The following DDX43 variants were observed in gnomAD, a reference collection of about 807,000 sequenced individuals.
DDX43 encodes DEAD-box helicase 43.
DDX43 carries 50 observed loss-of-function variants against 84.9 expected under a neutral mutation model. That is an observed-to-expected ratio of 0.59 (90% CI 0.47 to 0.75). DDX43 has a LOEUF of 0.75. Among genes scored for constraint, DDX43 ranks in the 30% least tolerant of loss-of-function variants. The probability of loss-of-function intolerance (pLI) is 0.00; values close to 1 mark genes in which losing one functional copy is unlikely to be tolerated. For missense variants in DDX43, 689 were observed against 798.6 expected (o/e 0.86, Z 1.65); for synonymous variants, 291 against 266.3 (o/e 1.09, Z -0.90).
chr6:73,394,903 A>G lies in DDX43; in HGVS notation c.-3A>G. On this transcript the variant is annotated 5_prime_UTR_variant, in exon 1 of 17. Transcript: ENST00000370336. ...GACGTCGGACGCGCCCCTTCTTGGAACAATGTCCCACCACGGAGGAGCTCC... is the reference window on the plus strand; with the variant it reads ...GACGTCGGACGCGCCCCTTCTTGGAGCAATGTCCCACCACGGAGGAGCTCC... 3.7e-6 allele frequency: 6 copies of G among 1,614,010 alleles called. No individual in the cohort carries two copies. The South Asian group carries it at 4.4e-5, about 12-fold the overall frequency.
intron 8 of DDX43, 73 bp from the exon 9 acceptor site, chr6:73,407,887 C>G (rs1769713472): frequency 6.9e-7 from 1 of 1,457,836 alleles, no homozygotes; most frequent in East Asian, 2.3e-5. Context: ...ATTTTTATCC[C>G]TTTTATTGGA....
chr6:73,395,575 C>T (rs6923697), intron 1 of DDX43, among the ~76,000 whole-genome samples: 24 of 151,054 alleles, frequency 1.6e-4, no homozygotes, highest in African/African-American at 5.8e-4. Context: ...GATCGCGCCA[C>T]TGCACTCCAG....
chr6:73,401,389 C>T (rs1769565591), intron 3 of DDX43, among the ~76,000 whole-genome samples: 1 of 152,170 alleles, frequency 6.6e-6, no homozygotes, highest in Non-Finnish European at 1.5e-5. Context: ...ATTTTACTTA[C>T]CTTCTCCAAT....
intron 2 of DDX43, among the ~76,000 whole-genome samples, chr6:73,398,509 C>T (rs1769513400): frequency 6.6e-6 from 1 of 152,188 alleles, no homozygotes; most frequent in African/African-American, 2.4e-5. Context: ...ACCTCTGCCT[C>T]CCAAAGTGCT....
In DDX43 at chr6:73,394,848, C is replaced by A. The variant is rs1275158569; in HGVS notation, c.-58C>A. 3.2e-6 allele frequency: 5 copies of A among 1,586,230 alleles called. No homozygotes were observed. Among genetic ancestry groups the A allele is most frequent in the Non-Finnish European group, 4.3e-6 (5 of 1,165,926 alleles). On this transcript the variant is annotated 5_prime_UTR_variant, in exon 1 of 17. Coordinates refer to ENST00000370336, the MANE Select transcript of DDX43 (RefSeq NM_018665.3). ...CTGGCACGCTACTCTTACGACGTCACGGTCAGGTGGTGCAGAGCTGGACGG... is the reference window on the plus strand; with the variant it reads ...CTGGCACGCTACTCTTACGACGTCAAGGTCAGGTGGTGCAGAGCTGGACGG...
intron 3 of DDX43, among the ~76,000 whole-genome samples, chr6:73,401,550 C>A (rs1769570189): frequency 1.3e-5 from 2 of 152,118 alleles, no homozygotes; most frequent in African/African-American, 4.8e-5. Context: ...CGCCTGTAAT[C>A]CCAGCACTTT....
In DDX43 at chr6:73,416,197, C is replaced by G; in HGVS notation, c.1918C>G (p.Pro640Ala). Residue 640 changes from proline to alanine, a missense_variant, in exon 16 of 17, where the codon CCT (proline) becomes GCT (alanine). Pro to Ala is a conservative substitution (Grantham distance 27). This residue lies in a region of DDX43 where 552 missense variants were observed against 692.7 expected (regional missense o/e 0.80). Coordinates refer to ENST00000370336, the MANE Select transcript of DDX43 (RefSeq NM_018665.3). ...GGAAATGGAAAGAAAAATGGAAAGA[C>G]CTCAAGGAAGGCCCAAGAAGTTTCA... Reference protein sequence around the residue: ...KREMERKMERPQGRPKKFH With the variant: ...KREMERKMERAQGRPKKFH 6.3e-7 allele frequency: 1 copy of G among 1,596,596 alleles called. No homozygotes were observed. The highest frequency in any genetic ancestry group is 8.6e-7 in the Non-Finnish European group (1 of 1,164,038).
rs1251045408 is a variant in DDX43, at chr6:73,395,050, G to C, written c.145G>C (p.Gly49Arg). 6.2e-7 allele frequency: 1 copy of C among 1,614,234 alleles called. No individual in the cohort carries two copies. The highest frequency in any genetic ancestry group is 2.2e-5 in the East Asian group (1 of 44,890). ...GPEGYSVGRG[G>R]RWRGTSRPPE... ...TGAGGGATATAGTGTCGGCAGAGGT[G>C]GTCGCTGGAGAGGCACCTCTAGGCC... The change falls in exon 1 of 17, where the codon GGT becomes CGT. Residue 49 changes from glycine to arginine, a missense_variant. Around this residue, in one of 2 missense-constraint regions of DDX43, gnomAD observed 137 missense variants for 105.9 expected, o/e 1.29. Coordinates refer to ENST00000370336, the MANE Select transcript of DDX43 (RefSeq NM_018665.3).
chr6:73,396,301 T>G (rs937980466), intron 1 of DDX43, among the ~76,000 whole-genome samples: 1 of 152,232 alleles, frequency 6.6e-6, no homozygotes, highest in African/African-American at 2.4e-5. Flanking sequence ...ACCCCATTGA[T>G]TGCCATTAAG....
chr6:73,408,160 C>T (rs905776025), intron 9 of DDX43, 59 bp downstream of exon 9: 121 of 1,565,630 alleles, frequency 7.7e-5, no homozygotes, highest in South Asian at 1.3e-4. Context: ...ACTGGCCGGG[C>T]GCAGTGGGTC....
At chr6:73,405,595 A>G in intron 5 of DDX43, 84 bp from the exon 6 acceptor site, 1 of 1,355,696 alleles carries the variant, frequency 7.4e-7, no homozygotes, top group Admixed American at 2.2e-5. Context: ...TTGAATTTCT[A>G]GATAAGACCA....
At chr6:73,415,052 C>T (rs1769875604) in intron 14 of DDX43, among the ~76,000 whole-genome samples, 1 of 152,150 alleles carries the variant, frequency 6.6e-6, no homozygotes, top group African/African-American at 2.4e-5. Context: ...AATCCTAGCA[C>T]TTTGGGAGGC....
In DDX43 at chr6:73,407,586, T is replaced by C; in HGVS notation, c.1008T>C (p.Cys336=). The C allele has an allele frequency of 6.2e-7, 1 of 1,613,534 alleles. No homozygotes were observed. The highest frequency in any genetic ancestry group is 8.5e-7 in the Non-Finnish European group (1 of 1,179,466). Residue 336 remains cysteine (C), a synonymous_variant, in exon 8 of 17, where the codon TGT becomes TGC. Transcript: ENST00000370336. ...RELALQVEGE[C]CKYSYKGLRS... is the part of the protein sequence containing the mutation. ...TAGCACTTCAAGTAGAAGGAGAATG[T>C]TGCAAATATTCATATAAAGGGCTTC...
chr6:73,404,742 C>T lies in DDX43; in HGVS notation c.621C>T (p.Ala207=). 6.2e-7 allele frequency: 1 copy of T among 1,613,162 alleles called. No homozygotes were observed. The highest frequency in any genetic ancestry group is 1.3e-5 in the African/African-American group (1 of 75,002). The change falls in exon 5 of 17, where the codon GCC becomes GCT. Residue 207 remains alanine, a synonymous_variant. Transcript: ENST00000370336. ...NFYKESTATS[A]MSKVEADSWR... Reference sequence around the variant, plus strand: ...ATAAAGAGTCCACTGCCACAAGTGCCATGTCAAAAGTAGAAGCAGATAGTT... The same window carrying T: ...ATAAAGAGTCCACTGCCACAAGTGCTATGTCAAAAGTAGAAGCAGATAGTT...
chr6:73,404,277 A>G (rs144885577), intron 4 of DDX43, among the ~76,000 whole-genome samples: 1 of 151,660 alleles, frequency 6.6e-6, no homozygotes, highest in African/African-American at 2.4e-5. Flanking sequence ...TGTTTTTAGT[A>G]GAGATGGGTT....
At chr6:73,397,553 C>A (rs2150787745) in intron 1 of DDX43, 136 bp from the exon 2 acceptor site, 1 of 707,854 alleles carries the variant, frequency 1.4e-6, no homozygotes, top group East Asian at 2.9e-5. Flanking sequence ...TTCCCTCTTT[C>A]CAAACAAAAA....
At chr6:73,414,120 G>T (rs776794838) in intron 13 of DDX43, 41 bp downstream of exon 13, 3 of 1,253,894 alleles carry the variant, frequency 2.4e-6, no homozygotes, top group Non-Finnish European at 3.5e-6. Context: ...TTTAAAATTA[G>T]TGCAATACCT....
In DDX43 at chr6:73,397,670, C is replaced by T; in HGVS notation, c.251-19C>T. The stretch of plus-strand genomic sequence containing the variant: ...TAATTTCAACTTATAACAATATATT[C>T]CTTTATTTTTAAAAACAGGTCGTGG... On this transcript the variant is annotated intron_variant, in intron 1 of 16. Transcript: ENST00000370336. 4 of 1,583,146 alleles carry T rather than the reference C, an allele frequency of 2.5e-6. No homozygotes were observed. Among genetic ancestry groups the T allele is most frequent in the Non-Finnish European group, 3.5e-6 (4 of 1,152,584 alleles).
chr6:73,415,159 G>A (rs1178723451), intron 14 of DDX43, among the ~76,000 whole-genome samples: 7 of 152,050 alleles, frequency 4.6e-5, no homozygotes, highest in East Asian at 1.9e-4. Context: ...TGACCTGGGC[G>A]TGGTGGCGGG....
Sources: allele counts gnomAD v4.1 joint callset (sites outside exome capture counted in the v4.1 genomes callset), GRCh38; gene constraint gnomAD v4.1.1; regional missense constraint gnomAD v4.1.1; transcripts MANE v1.5; gene names NCBI Gene and HGNC (gene_info 2026-07-23, HGNC 2026-07-21).